Variants in BPIFC observed in about 807,000 individuals in gnomAD.
BPIFC encodes BPI fold-containing family C protein.
In BPIFC, 60 loss-of-function variants were observed where a neutral mutation model predicts 57.6. That is an observed-to-expected ratio of 1.04 (90% CI 0.85 to 1.29). The LOEUF is 1.29. Among genes scored for constraint, BPIFC ranks in the 50% most tolerant of loss-of-function variants. The pLI is 0.00. For missense variants in BPIFC, 581 were observed against 600.5 expected (o/e 0.97, Z 0.34); for synonymous variants, 243 against 224.5 (o/e 1.08, Z -0.74).
rs68136231 is a variant in BPIFC, at chr22:32,449,745, TC to T, written c.246-2406del. Among the ~76,000 whole-genome samples, 182 of 149,418 alleles carry T rather than the reference TC, an allele frequency of 1.2e-3. 2 individuals are homozygous for T. Among genetic ancestry groups the T allele is most frequent in the Admixed American group, 1.7e-3 (26 of 14,934 alleles). Reference sequence around the variant, plus strand: ...TTGTGTACATGTACTTCTCTTTTTTTCTTTTTTGAGATGGAGTTTCACTCTG... The same window carrying T: ...TTGTGTACATGTACTTCTCTTTTTTTTTTTTTGAGATGGAGTTTCACTCTG... On this transcript the variant is annotated intron_variant, in intron 4 of 16. Transcript: ENST00000300399.
At chr22:32,420,319 A>G (rs912029714) in intron 13 of BPIFC, among the ~76,000 whole-genome samples, 5 of 119,708 alleles carry the variant, frequency 4.2e-5, no homozygotes, top group Non-Finnish European at 8.8e-5. Context: ...CTCCGTCTCA[A>G]AAAAAAAAAA....
chr22:32,448,011 C>T (rs1171511042), intron 4 of BPIFC, among the ~76,000 whole-genome samples: 1 of 151,988 alleles, frequency 6.6e-6, no homozygotes, highest in Admixed American at 6.6e-5. Context: ...TCAGCAGTTC[C>T]AGTGTTTCAC....
At chr22:32,451,400 G>A (rs1262623421) in intron 4 of BPIFC, among the ~76,000 whole-genome samples, 1 of 152,172 alleles carries the variant, frequency 6.6e-6, no homozygotes, top group Non-Finnish European at 1.5e-5. Flanking sequence ...GTAATGGGAT[G>A]GCTGGGTCAA....
At chr22:32,442,218 A>AT (rs1391825557) in intron 8 of BPIFC, among the ~76,000 whole-genome samples, 2 of 152,210 alleles carry the variant, frequency 1.3e-5, no homozygotes, top group African/African-American at 4.8e-5. Context: ...AGAGAAAGGT[A>AT]AAGAGAAAGA....
In BPIFC at chr22:32,447,312, T is replaced by C. The variant is rs1934757280; in HGVS notation, c.274A>G (p.Asn92Asp). The C allele has an allele frequency of 6.2e-7, 1 of 1,613,788 alleles. No homozygotes were observed. Among genetic ancestry groups the C allele is most frequent in the African/African-American group, 1.3e-5 (1 of 74,896 alleles). The change falls in exon 5 of 17, where the codon AAT becomes GAT. Residue 92 changes from asparagine (N) to aspartate (D), a missense_variant. Physicochemically the swap from Asn to Asp is conservative, Grantham distance 23. Transcript: ENST00000300399. ...NIKISAFSFP[N>D]TSLAFVPGVG... is the part of the protein sequence containing the mutation. Reference sequence around the variant, plus strand: ...CCAGGCACAAAAGCCAATGAGGTATTTGGAAATGAAAAGGCACTGATTTTT... The same window carrying C: ...CCAGGCACAAAAGCCAATGAGGTATCTGGAAATGAAAAGGCACTGATTTTT...
chr22:32,447,111 G>C (rs1934750878), intron 5 of BPIFC, 101 bp downstream of exon 5: 2 of 1,377,970 alleles, frequency 1.5e-6, no homozygotes, highest in Non-Finnish European at 9.6e-7. Flanking sequence ...TAATAATGAG[G>C]GAAAGAAGCC....
At chr22:32,440,820 A>C (rs1475754063) in intron 8 of BPIFC, among the ~76,000 whole-genome samples, 1 of 152,042 alleles carries the variant, frequency 6.6e-6, no homozygotes, top group Non-Finnish European at 1.5e-5. Flanking sequence ...ACCCCACCCT[A>C]GGCCGGCCAC....
At chr22:32,431,801 A>G (rs886163721) in intron 12 of BPIFC, among the ~76,000 whole-genome samples, 1 of 152,184 alleles carries the variant, frequency 6.6e-6, no homozygotes, top group Admixed American at 6.5e-5. Context: ...ATTAAAAAAA[A>G]AGAGAGAATT....
chr22:32,424,588 T>TCCTCCTCCTC (rs1569447808), intron 13 of BPIFC, among the ~76,000 whole-genome samples: 6 of 86,950 alleles, frequency 6.9e-5, no homozygotes, highest in South Asian at 3.3e-4. Flanking sequence ...TTCTTCTTCT[T>TCCTCCTCCTC]CTTCTTCTTC....
At position 32,439,782 on chromosome 22, in the gene BPIFC, T is replaced by G. The variant is rs5994571; in HGVS notation, c.656-1931A>C. Among the ~76,000 whole-genome samples, 499 of 152,146 alleles carry G rather than the reference T, an allele frequency of 3.3e-3. 1 individual carries two copies. The highest frequency in any genetic ancestry group is 0.011 in the African/African-American group (474 of 41,508). On this transcript the variant is annotated intron_variant, in intron 8 of 16. Transcript: ENST00000300399. ...GGCCTGCGCCACCACCTCTGGCTAATTTTTGTATTTTTAGTAGAGACAGCA... is the reference window on the plus strand; with the variant it reads ...GGCCTGCGCCACCACCTCTGGCTAAGTTTTGTATTTTTAGTAGAGACAGCA...
chr22:32,460,326 C>T lies in BPIFC; in HGVS notation c.-1+1248G>A, dbSNP rs555413662. Among the ~76,000 whole-genome samples the T allele has an allele frequency of 3.9e-5, 6 of 152,304 alleles. No homozygotes were observed. In the South Asian group the frequency reaches 8.3e-4, roughly 21 times the overall value. ...CTGGGTGGGAGGTGGAAGGGCTATC[C>T]TATGTATCCATTGGGCTGGAATTTT... On this transcript the variant is annotated intron_variant, in intron 2 of 16. Coordinates refer to ENST00000300399, the MANE Select transcript of BPIFC (RefSeq NM_174932.3).
chr22:32,441,428 G>A (rs1934561560), intron 8 of BPIFC, among the ~76,000 whole-genome samples: 1 of 152,116 alleles, frequency 6.6e-6, no homozygotes, highest in Non-Finnish European at 1.5e-5. Flanking sequence ...TATGTCTGTT[G>A]CCTGGGAATA....
At position 32,423,339 on chromosome 22, in the gene BPIFC, G is replaced by T. The variant is rs1027849629; in HGVS notation, c.1218-3935C>A. Among the ~76,000 whole-genome samples the T allele has an allele frequency of 5.3e-5, 8 of 152,104 alleles. 1 individual carries two copies. Among genetic ancestry groups the T allele is most frequent in the Admixed American group, 3.9e-4 (6 of 15,270 alleles). ...CTTCCATTTGGGGTTTCCTCCTCTG[G>T]CAGGGGCTACCCCACTGTGGCATTC... On this transcript the variant is annotated intron_variant, in intron 13 of 16. Transcript: ENST00000300399.
At chr22:32,443,312 C>T (rs1033607807) in intron 7 of BPIFC, among the ~76,000 whole-genome samples, 5 of 152,230 alleles carry the variant, frequency 3.3e-5, no homozygotes, top group African/African-American at 9.6e-5. Context: ...TACAGGCGCT[C>T]GCCACTATGC....
At chr22:32,455,813 C>T (rs1268606624) in intron 3 of BPIFC, among the ~76,000 whole-genome samples, 1 of 152,220 alleles carries the variant, frequency 6.6e-6, no homozygotes, top group Non-Finnish European at 1.5e-5. Context: ...TAGATCAACA[C>T]ACAGCCCAGA....
At chr22:32,445,768 T>C (rs1290361434) in intron 6 of BPIFC, 70 bp from the exon 7 acceptor site, 31 of 1,576,144 alleles carry the variant, frequency 2.0e-5, no homozygotes, top group Non-Finnish European at 2.7e-5. Context: ...CAGCCATTTG[T>C]AAACCTTCCC....
chr22:32,414,358 A>G lies in BPIFC; in HGVS notation c.1469T>C (p.Val490Ala). ...GCTTATCAGGTTCAGACCTTCCCAT[A>G]CGTGGAAACTTGGCTGCTGCTTTGA... ...TSSKQQPSFHVWEGLNLISRQ... is the reference protein window; with the variant it reads ...TSSKQQPSFHAWEGLNLISRQ... Residue 490 changes from valine to alanine, a missense_variant, in exon 17 of 17, where the codon GTA becomes GCA. Transcript: ENST00000300399. 6.2e-7 allele frequency: 1 copy of G among 1,613,940 alleles called. No homozygotes were observed. Among genetic ancestry groups the G allele is most frequent in the East Asian group, 2.2e-5 (1 of 44,882 alleles).
Position 32,434,344 on chromosome 22 carries a change from A to T in BPIFC, c.925-572T>A, listed in dbSNP as rs534162677. On this transcript the variant is annotated intron_variant, in intron 10 of 16. Transcript: ENST00000300399. ...CACTCTGTGTACATATTCTTCATTT[A>T]TATATATTACAATCTATGTGTACAT... is the stretch of plus-strand genomic sequence containing the variant. Among the ~76,000 whole-genome samples, 21 of 148,680 alleles carry T rather than the reference A, an allele frequency of 1.4e-4. No individual in the cohort carries two copies. In the South Asian group the frequency reaches 3.8e-3, roughly 27 times the overall value.
chr22:32,433,255 C>A lies in BPIFC; in HGVS notation c.978+464G>T, dbSNP rs188355341. The stretch of plus-strand genomic sequence containing the variant: ...AGGTCTATCTGACTCAAGATCCTTG[C>A]TCTAGAACCAGGATGCTACATGAAC... On this transcript the variant is annotated intron_variant, in intron 11 of 16. Transcript: ENST00000300399. 5.0e-3 allele frequency among the ~76,000 whole-genome samples: 765 copies of A among 152,300 alleles called. 4 individuals are homozygous for A. Among genetic ancestry groups the A allele is most frequent in the African/African-American group, 0.017 (704 of 41,560 alleles).
Sources: gnomAD v4.1 joint callset for allele counts (sites outside exome capture counted in the v4.1 genomes callset) on GRCh38, gnomAD v4.1.1 for gene constraint, MANE v1.5 for transcripts, NCBI Gene and HGNC (gene_info 2026-07-23, HGNC 2026-07-21) for gene names.